The following SCN8A variants were observed in gnomAD, a reference collection of about 807,000 sequenced individuals.
SCN8A encodes the protein sodium channel protein type 8 subunit alpha.
SCN8A carries 30 observed loss-of-function variants against 184.1 expected under a neutral mutation model. That is an observed-to-expected ratio of 0.16 (90% CI 0.12 to 0.22). The LOEUF is 0.22. SCN8A is among the 10% of genes least tolerant of loss of function. The pLI is 1.00. For missense variants in SCN8A, 1,057 were observed against 2,498.9 expected (o/e 0.42, Z 12.30); for synonymous variants, 852 against 907.0 (o/e 0.94, Z 1.09).
chr12:51,703,392 C>T (rs966572605), intron 9 of SCN8A, among the ~76,000 whole-genome samples: 1 of 152,182 alleles, frequency 6.6e-6, no homozygotes, highest in Admixed American at 6.5e-5. Context: ...GATCCTCCCA[C>T]TGTGGCCTCC....
chr12:51,782,580 A>C (rs1203442878), intron 21 of SCN8A, among the ~76,000 whole-genome samples: 1 of 152,200 alleles, frequency 6.6e-6, no homozygotes, highest in Non-Finnish European at 1.5e-5. Context: ...AGAGATTGGT[A>C]ATACCTGAAG....
At chr12:51,713,263 T>G (rs1941911086) in intron 11 of SCN8A, 1 of 1,150,548 alleles carries the variant, frequency 8.7e-7, no homozygotes, top group Non-Finnish European at 1.3e-6. Flanking sequence ...CTTCACAGAA[T>G]CCTCTCTAGA....
chr12:51,802,172 A>G (rs906583510), intron 26 of SCN8A, among the ~76,000 whole-genome samples: 14 of 152,174 alleles, frequency 9.2e-5, no homozygotes, highest in Admixed American at 1.3e-4. Flanking sequence ...CTAGAAACAA[A>G]CAGGGGTGTT....
Position 51,721,916 on chromosome 12 carries a change from T to C in SCN8A, c.1998+8T>C, listed in dbSNP as rs749881958. 1.8e-5 allele frequency: 29 copies of C among 1,599,508 alleles called. No homozygotes were observed. The Admixed American group carries it at 3.8e-4, about 21-fold the overall frequency. On this transcript the variant is annotated splice_region_variant and intron_variant, in intron 12 of 26. Coordinates refer to ENST00000627620, the MANE Select transcript of SCN8A (RefSeq NM_001330260.2). Reference sequence around the variant, plus strand: ...GGGCGTCTCCTGCCAGAGGTGAAAATTGATAAGGCAGCTACCGATGACAGT... The same window carrying C: ...GGGCGTCTCCTGCCAGAGGTGAAAACTGATAAGGCAGCTACCGATGACAGT...
At chr12:51,638,349 A>T (rs1287886619) in intron 1 of SCN8A, among the ~76,000 whole-genome samples, 1 of 152,216 alleles carries the variant, frequency 6.6e-6, no homozygotes, top group Non-Finnish European at 1.5e-5. Context: ...ATAAATAGTG[A>T]TTTATCTGAT....
At chr12:51,683,228 AT>A (rs1391576712) in intron 2 of SCN8A, among the ~76,000 whole-genome samples, 2 of 152,348 alleles carry the variant, frequency 1.3e-5, no homozygotes, top group Non-Finnish European at 2.9e-5. Context: ...TGTCCTGGTA[AT>A]TAGCACAATG....
intron 1 of SCN8A, among the ~76,000 whole-genome samples, chr12:51,609,845 A>G (rs1486841860): frequency 7.0e-6 from 1 of 142,902 alleles, no homozygotes; most frequent in Non-Finnish European, 1.5e-5. Context: ...GGGGGGAGGG[A>G]TAGCATTAGG....
At chr12:51,746,922 T>C (rs1385372295) in intron 13 of SCN8A, among the ~76,000 whole-genome samples, 1 of 152,034 alleles carries the variant, frequency 6.6e-6, no homozygotes, top group Non-Finnish European at 1.5e-5. Context: ...AGTTGTCTCA[T>C]TGTAGATCTA....
chr12:51,694,531 A>G (rs149218091), intron 6 of SCN8A, among the ~76,000 whole-genome samples: 1 of 152,326 alleles, frequency 6.6e-6, no homozygotes, highest in East Asian at 1.9e-4. Context: ...GTTTCTACTC[A>G]GACACGTACC....
chr12:51,794,007 G>A (rs1259348010), intron 25 of SCN8A, among the ~76,000 whole-genome samples: 6 of 152,064 alleles, frequency 3.9e-5, no homozygotes, highest in South Asian at 4.1e-4. Flanking sequence ...TTAGCCGGAC[G>A]TGGTGGTGTG....
chr12:51,634,345 G>A (rs1482969249), intron 1 of SCN8A, among the ~76,000 whole-genome samples: 2 of 152,168 alleles, frequency 1.3e-5, no homozygotes, highest in Non-Finnish European at 2.9e-5. Context: ...TTTTGAGGAG[G>A]TTAGAGAGGA....
intron 2 of SCN8A, among the ~76,000 whole-genome samples, chr12:51,681,057 C>G (rs912342388): frequency 2.6e-5 from 4 of 152,060 alleles, no homozygotes; most frequent in African/African-American, 9.7e-5. Flanking sequence ...TGTCTGTCTC[C>G]TAAGGAGAGG....
intron 1 of SCN8A, among the ~76,000 whole-genome samples, chr12:51,609,133 A>C (rs531536061): frequency 6.6e-6 from 1 of 152,264 alleles, no homozygotes; most frequent in Admixed American, 6.5e-5. Context: ...AAATTTATTG[A>C]GACTTGTTTT....
intron 12 of SCN8A, among the ~76,000 whole-genome samples, chr12:51,738,523 C>T (rs1002948301): frequency 1.2e-4 from 18 of 152,230 alleles, no homozygotes; most frequent in African/African-American, 4.1e-4. Context: ...ACAGGTAGGA[C>T]GTTTATCAGT....
intron 26 of SCN8A, among the ~76,000 whole-genome samples, chr12:51,799,530 TGG>T (rs975948490): frequency 6.6e-6 from 1 of 152,168 alleles, no homozygotes; most frequent in Admixed American, 6.5e-5. Flanking sequence ...GATTCACCTA[TGG>T]GGGCCTACCA....
intron 1 of SCN8A, among the ~76,000 whole-genome samples, chr12:51,661,773 C>T (rs1940930009): frequency 6.6e-6 from 1 of 152,210 alleles, no homozygotes; most frequent in Non-Finnish European, 1.5e-5. Flanking sequence ...AAACTGAATA[C>T]TGCTGCTTTT....
At chr12:51,625,784 G>T (rs995266722) in intron 1 of SCN8A, among the ~76,000 whole-genome samples, 1 of 152,174 alleles carries the variant, frequency 6.6e-6, no homozygotes, top group Admixed American at 6.5e-5. Context: ...TTTTAAAGGA[G>T]TTTGCTATCT....
At chr12:51,602,628 A>G (rs79006923) in intron 1 of SCN8A, among the ~76,000 whole-genome samples, 7,765 of 152,276 alleles carry the variant, frequency 0.051, 224 homozygotes, top group South Asian at 0.079. Flanking sequence ...ACCACAATCA[A>G]TCAATCAATC....
At chr12:51,785,049 C>G (rs182146968) in intron 21 of SCN8A, among the ~76,000 whole-genome samples, 56 of 152,286 alleles carry the variant, frequency 3.7e-4, no homozygotes, top group African/African-American at 1.2e-3. Context: ...AATCTACTCC[C>G]GTATTGTTTG....
Sources: allele counts gnomAD v4.1 joint callset (sites outside exome capture counted in the v4.1 genomes callset), GRCh38; gene constraint gnomAD v4.1.1; transcripts MANE v1.5; gene names NCBI Gene and HGNC (gene_info 2026-07-23, HGNC 2026-07-21).